The following NRXN1 variants were observed in gnomAD, a reference collection of about 807,000 sequenced individuals.
NRXN1 encodes neurexin-1.
NRXN1 carries 39 observed loss-of-function variants against 150.9 expected under a neutral mutation model. The observed-to-expected ratio is 0.26, with a 90% CI of 0.20 to 0.34. NRXN1 has a LOEUF of 0.34. NRXN1 is among the 10% of genes least tolerant of loss of function. The probability of loss-of-function intolerance (pLI) is 1.00; values close to 1 mark genes in which losing one functional copy is unlikely to be tolerated. For synonymous variants in NRXN1, 924 were observed against 757.0 expected (o/e 1.22, Z -3.62); for missense variants, 1,815 against 1,949.9 (o/e 0.93, Z 1.30).
intron 17 of NRXN1, among the ~76,000 whole-genome samples, chr2:50,343,673 A>G (rs1575156986): frequency 6.6e-6 from 1 of 152,246 alleles, no homozygotes; most frequent in East Asian, 1.9e-4. Context: ...CAAACCTTGT[A>G]AGTGACACCT....
At chr2:51,029,269 A>G (rs1671105454) in intron 1 of NRXN1, 75 bp from the exon 2 acceptor site, 1 of 152,220 alleles carries the variant, frequency 6.6e-6, no homozygotes, top group Non-Finnish European at 1.5e-5. Context: ...AGCTCATAAC[A>G]CAAGTGTAGA....
chr2:50,935,919 G>C (rs1688478585), intron 2 of NRXN1, among the ~76,000 whole-genome samples: 1 of 152,054 alleles, frequency 6.6e-6, no homozygotes, highest in South Asian at 2.1e-4. Context: ...TCTATTTTCA[G>C]TGTTGAAAGA....
intron 19 of NRXN1, among the ~76,000 whole-genome samples, chr2:50,085,374 T>G (rs1053369832): frequency 6.6e-6 from 1 of 152,156 alleles, no homozygotes; most frequent in African/African-American, 2.4e-5. Flanking sequence ...TCCATATGGT[T>G]TATCAGTTTC....
At chr2:50,115,217 G>GTA (rs35673922) in intron 18 of NRXN1, among the ~76,000 whole-genome samples, 7,836 of 134,800 alleles carry the variant, frequency 0.058, 433 homozygotes, top group African/African-American at 0.15. Context: ...TATGTTATGT[G>GTA]TATATATATA....
intron 17 of NRXN1, among the ~76,000 whole-genome samples, chr2:50,248,519 T>C (rs2066725955): frequency 6.6e-6 from 1 of 152,180 alleles, no homozygotes; most frequent in South Asian, 2.1e-4. Flanking sequence ...TAAATCATTA[T>C]TAAGTCTTTA....
At chr2:50,831,605 T>C (rs1671416733) in intron 5 of NRXN1, among the ~76,000 whole-genome samples, 1 of 152,352 alleles carries the variant, frequency 6.6e-6, no homozygotes, top group East Asian at 1.9e-4. Flanking sequence ...TATGTTAAGA[T>C]ATGTACACAT....
In NRXN1 at chr2:50,825,762, C is replaced by A. The variant is rs1335888507; in HGVS notation, c.832+96107G>T. Among the ~76,000 whole-genome samples, 3 of 152,206 alleles carry A rather than the reference C, an allele frequency of 2.0e-5. No individual in the cohort carries two copies. In the East Asian group the frequency reaches 5.8e-4, roughly 29 times the overall value. ...GCCAGTCAGTCAAAACCTGTGCTTG[C>A]AACTGGCATTGGAAGTCGGTCGGGA... On this transcript the variant is annotated intron_variant, in intron 5 of 22. Transcript: ENST00000401669.
At chr2:50,242,181 G>T (rs2066060815) in intron 17 of NRXN1, among the ~76,000 whole-genome samples, 1 of 151,668 alleles carries the variant, frequency 6.6e-6, no homozygotes, top group Admixed American at 6.6e-5. Flanking sequence ...AATATTAAAA[G>T]TAAAGCATTT....
chr2:50,330,939 G>A (rs1575113127), intron 17 of NRXN1, among the ~76,000 whole-genome samples: 2 of 152,154 alleles, frequency 1.3e-5, no homozygotes, highest in African/African-American at 4.8e-5. Flanking sequence ...GGGGTGGGAA[G>A]TAGTTACTTG....
intron 2 of NRXN1, among the ~76,000 whole-genome samples, chr2:51,019,361 T>G (rs1448644965): frequency 6.6e-6 from 1 of 152,112 alleles, no homozygotes; most frequent in Non-Finnish European, 1.5e-5. Context: ...GTACACTGCA[T>G]AATGCCTTTC....
At chr2:50,125,924 C>T (rs570469026) in intron 18 of NRXN1, among the ~76,000 whole-genome samples, 28 of 152,056 alleles carry the variant, frequency 1.8e-4, no homozygotes, top group African/African-American at 6.7e-4. Flanking sequence ...GATTTTTGAG[C>T]AAAAGATAGT....
chr2:50,981,334 T>G (rs1368779497), intron 2 of NRXN1, among the ~76,000 whole-genome samples: 1 of 151,574 alleles, frequency 6.6e-6, no homozygotes, highest in Non-Finnish European at 1.5e-5. Context: ...GACAGGCACC[T>G]GTAATCCTGG....
chr2:49,975,595 A>C (rs1678822699), intron 21 of NRXN1, among the ~76,000 whole-genome samples: 1 of 152,170 alleles, frequency 6.6e-6, no homozygotes, highest in African/African-American at 2.4e-5. Context: ...GCATTTTTCA[A>C]GTTTTTTAAA....
chr2:49,923,468 C>T (rs186533752), intron 22 of NRXN1, among the ~76,000 whole-genome samples: 21 of 152,212 alleles, frequency 1.4e-4, no homozygotes, highest in Non-Finnish European at 4.4e-5. Flanking sequence ...AACAAATAAT[C>T]TCATGATTCC....
At chr2:50,348,092 A>G (rs2078175170) in intron 17 of NRXN1, among the ~76,000 whole-genome samples, 1 of 152,178 alleles carries the variant, frequency 6.6e-6, no homozygotes, top group Admixed American at 6.5e-5. Context: ...AAAGGGAGAG[A>G]ATTCGGGTCT....
intron 2 of NRXN1, among the ~76,000 whole-genome samples, chr2:50,927,476 T>C (rs1288717869): frequency 1.3e-5 from 2 of 152,048 alleles, no homozygotes; most frequent in Non-Finnish European, 2.9e-5. Flanking sequence ...TAGTTTGTTT[T>C]TGTTTGTTTT....
chr2:50,190,716 G>A (rs1559060457), intron 18 of NRXN1, among the ~76,000 whole-genome samples: 2 of 148,770 alleles, frequency 1.3e-5, no homozygotes, highest in Admixed American at 6.8e-5. Flanking sequence ...AAGTTCAAGC[G>A]ATTCTCCTGC....
chr2:50,134,585 C>G (rs999708770), intron 18 of NRXN1, among the ~76,000 whole-genome samples: 1 of 151,936 alleles, frequency 6.6e-6, no homozygotes, highest in Admixed American at 6.6e-5. Flanking sequence ...ATCACAGAAG[C>G]AAAAAAAGCA....
At chr2:50,629,005 TG>T (rs1394308106) in intron 5 of NRXN1, among the ~76,000 whole-genome samples, 2 of 151,716 alleles carry the variant, frequency 1.3e-5, no homozygotes, top group African/African-American at 2.4e-5. Context: ...AGTGAGGATG[TG>T]GGGCAACTAG....
Sources: gnomAD v4.1 joint callset for allele counts (sites outside exome capture counted in the v4.1 genomes callset) on GRCh38, gnomAD v4.1.1 for gene constraint, MANE v1.5 for transcripts, NCBI Gene and HGNC (gene_info 2026-07-23, HGNC 2026-07-21) for gene names.